SFMBT2: variants seen among roughly 807,000 people sequenced by gnomAD.
SFMBT2 encodes the protein scm-like with four MBT domains protein 2.
Under a neutral mutation model 110.1 loss-of-function variants are expected in SFMBT2, and 38 were observed. The observed-to-expected ratio is 0.35, with a 90% CI of 0.27 to 0.45. SFMBT2 has a LOEUF of 0.45. Among genes scored for constraint, SFMBT2 ranks in the 20% least tolerant of loss-of-function variants. The probability of loss-of-function intolerance (pLI) is 1.00; values close to 1 mark genes in which losing one functional copy is unlikely to be tolerated. For synonymous variants in SFMBT2, 425 were observed against 425.4 expected (o/e 1.00, Z 0.01); for missense variants, 1,011 against 1,094.9 (o/e 0.92, Z 1.08).
intron 4 of SFMBT2, among the ~76,000 whole-genome samples, chr10:7,352,674 G>A (rs1011931173): frequency 6.6e-6 from 1 of 152,148 alleles, no homozygotes; most frequent in African/African-American, 2.4e-5. Context: ...CTAAGCCAAG[G>A]AGTGAAACAG....
Position 7,328,331 on chromosome 10 carries a change from T to G in SFMBT2, c.436+39318A>C, listed in dbSNP as rs551905108. Among the ~76,000 whole-genome samples, 28 of 152,350 alleles carry G rather than the reference T, an allele frequency of 1.8e-4. 1 individual carries two copies. The highest frequency in any genetic ancestry group is 6.5e-4 in the African/African-American group (27 of 41,588). On this transcript the variant is annotated intron_variant, in intron 4 of 20. Transcript: ENST00000397167. ...TAATTGGATTATTTTTCCTTCCTGTTGAGTTTTAAGAGTCCATTTTATTCT... is the reference window on the plus strand; with the variant it reads ...TAATTGGATTATTTTTCCTTCCTGTGGAGTTTTAAGAGTCCATTTTATTCT...
At chr10:7,200,921 G>T in intron 13 of SFMBT2, 1 of 791,754 alleles carries the variant, frequency 1.3e-6, no homozygotes, top group Non-Finnish European at 1.5e-6. Context: ...CGGGCCCGCG[G>T]GAGTCATGGC....
intron 7 of SFMBT2, among the ~76,000 whole-genome samples, chr10:7,263,861 G>A (rs1841297646): frequency 1.3e-5 from 2 of 152,188 alleles, no homozygotes; most frequent in African/African-American, 4.8e-5. Context: ...GACGGAATGA[G>A]AAAGAAAAGC....
At chr10:7,265,722 G>A (rs1354085223) in intron 7 of SFMBT2, among the ~76,000 whole-genome samples, 2 of 152,132 alleles carry the variant, frequency 1.3e-5, no homozygotes, top group African/African-American at 4.8e-5. Context: ...CTACTCACAG[G>A]AGGCTTGCTT....
intron 8 of SFMBT2, among the ~76,000 whole-genome samples, chr10:7,244,343 G>C (rs12265026): frequency 6.6e-6 from 1 of 152,098 alleles, no homozygotes; most frequent in African/African-American, 2.4e-5. Flanking sequence ...CTCACTCTGC[G>C]CTCCTAAAAT....
intron 15 of SFMBT2, among the ~76,000 whole-genome samples, chr10:7,196,418 A>C (rs2131592651): frequency 6.6e-6 from 1 of 152,352 alleles, no homozygotes; most frequent in East Asian, 1.9e-4. Context: ...CTGTGCAATC[A>C]GGATCCTACA....
chr10:7,406,028 C>T (rs1487724588), intron 1 of SFMBT2, among the ~76,000 whole-genome samples: 1 of 151,104 alleles, frequency 6.6e-6, no homozygotes, highest in Non-Finnish European at 1.5e-5. Flanking sequence ...TTAGAAAAAC[C>T]ACAAAATGCA....
chr10:7,347,529 TAGA>T (rs1844155546), intron 4 of SFMBT2, among the ~76,000 whole-genome samples: 1 of 152,102 alleles, frequency 6.6e-6, no homozygotes, highest in Non-Finnish European at 1.5e-5. Context: ...CCATGAAATT[TAGA>T]AGGAGAAAAG....
In SFMBT2 at chr10:7,172,754, C is replaced by T; in HGVS notation, c.1985-93G>A. Reference sequence around the variant, plus strand: ...AGAGAAAGAAGGGAAACGATTCTTTCATCTGATAGTTCATTTGTGCCTTAC... The same window carrying T: ...AGAGAAAGAAGGGAAACGATTCTTTTATCTGATAGTTCATTTGTGCCTTAC... On this transcript the variant is annotated intron_variant, in intron 17 of 20. Coordinates refer to ENST00000397167, the MANE Select transcript of SFMBT2 (RefSeq NM_001387889.1). The surrounding 1 kb of genome is among the most constrained non-coding windows in gnomAD (Gnocchi z 4.6). 7.1e-7 allele frequency: 1 copy of T among 1,406,156 alleles called. No homozygotes were observed. Among genetic ancestry groups the T allele is most frequent in the African/African-American group, 1.4e-5 (1 of 69,358 alleles). 87.1% of individuals were successfully genotyped at this position (1,406,156 alleles called of 1,614,324 possible).
At position 7,212,389 on chromosome 10, in the gene SFMBT2, C is replaced by A. The variant is rs1839378624; in HGVS notation, c.1331-6461G>T. Among the ~76,000 whole-genome samples the A allele has an allele frequency of 5.3e-5, 8 of 152,208 alleles. No homozygotes were observed. The South Asian group carries it at 1.7e-3, about 32-fold the overall frequency. ...CGCTGAGCAAGCAAAGTTCACAGGA[C>A]CGCCTGTAAAAACATGGTGCTTTGT... On this transcript the variant is annotated intron_variant, in intron 11 of 20. Coordinates refer to ENST00000397167, the MANE Select transcript of SFMBT2 (RefSeq NM_001387889.1).
chr10:7,307,371 C>T (rs1272622618), intron 4 of SFMBT2, among the ~76,000 whole-genome samples: 1 of 152,024 alleles, frequency 6.6e-6, no homozygotes, highest in Non-Finnish European at 1.5e-5. Flanking sequence ...GTAAAGTGTC[C>T]CAAGGAGAGC....
intron 6 of SFMBT2, among the ~76,000 whole-genome samples, chr10:7,282,073 T>G (rs769613212): frequency 6.6e-6 from 1 of 152,214 alleles, no homozygotes; most frequent in Non-Finnish European, 1.5e-5. Flanking sequence ...CTCCAACTCC[T>G]GAGCTCAGGC....
intron 4 of SFMBT2, among the ~76,000 whole-genome samples, chr10:7,326,516 G>A (rs939394319): frequency 6.6e-5 from 10 of 152,144 alleles, no homozygotes; most frequent in African/African-American, 9.7e-5. Context: ...CTCTGTATTC[G>A]TCTCTGAAAT....
intron 4 of SFMBT2, among the ~76,000 whole-genome samples, chr10:7,339,056 A>T (rs1373501828): frequency 6.6e-6 from 1 of 152,148 alleles, no homozygotes; most frequent in Non-Finnish European, 1.5e-5. Flanking sequence ...CCTGGCCAAC[A>T]CGGCAAAACC....
At chr10:7,318,450 T>A (rs183121698) in intron 4 of SFMBT2, among the ~76,000 whole-genome samples, 231 of 152,360 alleles carry the variant, frequency 1.5e-3, no homozygotes, top group Middle Eastern at 3.4e-3. Flanking sequence ...TAGAAATACA[T>A]GACCTGAATT....
chr10:7,199,329 A>C (rs970815356), intron 14 of SFMBT2, among the ~76,000 whole-genome samples: 2 of 152,140 alleles, frequency 1.3e-5, no homozygotes, highest in African/African-American at 4.8e-5. Flanking sequence ...CTTTTGGCTA[A>C]GGGAGTCACC....
At chr10:7,229,715 T>TTTG (rs201440255) in intron 9 of SFMBT2, among the ~76,000 whole-genome samples, 9 of 135,648 alleles carry the variant, frequency 6.6e-5, no homozygotes, top group Admixed American at 2.2e-4. Flanking sequence ...TATCCTATTT[T>TTTG]TTGTTGTTGT....
intron 4 of SFMBT2, among the ~76,000 whole-genome samples, chr10:7,313,591 G>A (rs193271737): frequency 6.6e-6 from 1 of 152,218 alleles, no homozygotes; most frequent in African/African-American, 2.4e-5. Context: ...TTACAGGCAT[G>A]AGCTACCGCA....
intron 9 of SFMBT2, among the ~76,000 whole-genome samples, chr10:7,239,140 T>A (rs1332458905): frequency 6.6e-6 from 1 of 152,178 alleles, no homozygotes; most frequent in African/African-American, 2.4e-5. Context: ...ATATTTCTCC[T>A]ACACCACCGG....
Sources: gnomAD v4.1 joint callset for allele counts (sites outside exome capture counted in the v4.1 genomes callset) on GRCh38, gnomAD v4.1.1 for gene constraint, Gnocchi (gnomAD v3.1) non-coding constraint, MANE v1.5 for transcripts, NCBI Gene and HGNC (gene_info 2026-07-23, HGNC 2026-07-21) for gene names.